RYR2: variants seen among roughly 807,000 people sequenced by gnomAD.
RYR2 encodes the protein cardiac muscle ryanodine receptor-calcium release channel.
Under a neutral mutation model 601.1 loss-of-function variants are expected in RYR2, and 227 were observed. The observed-to-expected ratio is 0.38, with a 90% CI of 0.34 to 0.42. The LOEUF (loss-of-function observed/expected upper bound fraction) is 0.42. Ranked by LOEUF, RYR2 falls within the 10% of genes least tolerant of loss-of-function variation. The probability of loss-of-function intolerance (pLI) is 1.00; values close to 1 mark genes in which losing one functional copy is unlikely to be tolerated. For synonymous variants in RYR2, 2,223 were observed against 2,175.1 expected, an observed-to-expected ratio of 1.02 and a Z score of -0.61; for missense variants, 4,646 against 6,156.5, an observed-to-expected ratio of 0.75 and a Z score of 8.21.
chr1:237,743,403 T>A (rs751787514), intron 80 of RYR2, among the ~76,000 whole-genome samples: 3 of 152,226 alleles, frequency 2.0e-5, no homozygotes, highest in Non-Finnish European at 4.4e-5. Flanking sequence ...CTGTATGATT[T>A]CTATAATCTT....
intron 1 of RYR2, among the ~76,000 whole-genome samples, chr1:237,139,428 T>TA (rs1673146470): frequency 6.6e-6 from 1 of 152,164 alleles, no homozygotes; most frequent in Non-Finnish European, 1.5e-5. Context: ...TTTGGGGGGA[T>TA]AAAAATGTCC....
intron 29 of RYR2, among the ~76,000 whole-genome samples, chr1:237,578,255 C>T (rs1217409868): frequency 1.3e-5 from 2 of 151,864 alleles, no homozygotes; most frequent in African/African-American, 4.8e-5. Context: ...GGTGTGATCT[C>T]AAGCACAAGT....
At chr1:237,228,613 T>C (rs536960453) in intron 1 of RYR2, among the ~76,000 whole-genome samples, 2 of 152,318 alleles carry the variant, frequency 1.3e-5, no homozygotes, top group African/African-American at 4.8e-5. Flanking sequence ...ATAAACAACA[T>C]AGCATGCTGA....
At chr1:237,081,100 A>C in intron 1 of RYR2, among the ~76,000 whole-genome samples, 1 of 81,088 alleles carries the variant, frequency 1.2e-5, no homozygotes, top group South Asian at 5.6e-4. Flanking sequence ...TGGACACAGG[A>C]AGGGGAATAT....
At chr1:237,174,248 G>A (rs1003115446) in intron 1 of RYR2, among the ~76,000 whole-genome samples, 4 of 152,160 alleles carry the variant, frequency 2.6e-5, no homozygotes, top group South Asian at 2.1e-4. Flanking sequence ...ATAATAAATC[G>A]GTGTGGCAGA....
At chr1:237,579,542 G>A (rs907090682) in intron 29 of RYR2, among the ~76,000 whole-genome samples, 1 of 151,928 alleles carries the variant, frequency 6.6e-6, no homozygotes, top group Non-Finnish European at 1.5e-5. Flanking sequence ...GGCGTGAGCT[G>A]CTGCACTGGG....
chr1:237,649,737 A>G (rs1289254435), intron 49 of RYR2, 140 bp from the exon 50 acceptor site: 2 of 661,796 alleles, frequency 3.0e-6, no homozygotes, highest in East Asian at 5.3e-5. Context: ...ACACTTAAAG[A>G]TGTAACTAAA....
At chr1:237,432,105 T>A (rs764604901) in intron 12 of RYR2, among the ~76,000 whole-genome samples, 7,305 of 148,708 alleles carry the variant, frequency 0.049, 266 homozygotes, top group Non-Finnish European at 0.08. Flanking sequence ...TGGTCTTTTT[T>A]TTTTATTCAT....
chr1:237,627,127 C>G (rs1679758188), intron 40 of RYR2, among the ~76,000 whole-genome samples: 1 of 152,134 alleles, frequency 6.6e-6, no homozygotes, highest in Non-Finnish European at 1.5e-5. Flanking sequence ...TTGGTCACCC[C>G]ACTTAATTTT....
At chr1:237,391,288 T>C (rs149065817) in intron 10 of RYR2, among the ~76,000 whole-genome samples, 28 of 152,264 alleles carry the variant, frequency 1.8e-4, no homozygotes, top group Middle Eastern at 3.4e-3. Context: ...AATGATCATC[T>C]AAAAATATAC....
intron 3 of RYR2, 50 bp downstream of exon 3, chr1:237,331,032 C>T (rs1221188031): frequency 1.4e-6 from 2 of 1,419,678 alleles, no homozygotes; most frequent in African/African-American, 1.4e-5. Context: ...AGCTCAGCTA[C>T]TATAGGAACA....
At chr1:237,097,541 A>T (rs1228614469) in intron 1 of RYR2, among the ~76,000 whole-genome samples, 1 of 152,214 alleles carries the variant, frequency 6.6e-6, no homozygotes, top group Admixed American at 6.5e-5. Flanking sequence ...ATTTAAACGT[A>T]ATACCTATTC....
At chr1:237,806,973 CTG>C (rs1408786099) in intron 99 of RYR2, among the ~76,000 whole-genome samples, 1 of 152,156 alleles carries the variant, frequency 6.6e-6, no homozygotes, top group Non-Finnish European at 1.5e-5. Flanking sequence ...GCGACATATT[CTG>C]TGTTAGTTAT....
chr1:237,540,084 A>G (rs537808158), intron 25 of RYR2, among the ~76,000 whole-genome samples: 13 of 152,188 alleles, frequency 8.5e-5, no homozygotes, highest in Non-Finnish European at 1.8e-4. Context: ...AGCACAACAC[A>G]TTATCATCTA....
At chr1:237,374,573 G>C (rs1700878347) in intron 6 of RYR2, 144 bp from the exon 7 acceptor site, 1 of 661,250 alleles carries the variant, frequency 1.5e-6, no homozygotes, top group Non-Finnish European at 2.8e-6. Flanking sequence ...TGGGATGACT[G>C]CTTGAGCCCA....
intron 1 of RYR2, among the ~76,000 whole-genome samples, chr1:237,139,300 T>C (rs1673131099): frequency 6.6e-6 from 1 of 152,218 alleles, no homozygotes; most frequent in Non-Finnish European, 1.5e-5. Context: ...TCTGTGGGAT[T>C]CCACTGATAT....
intron 2 of RYR2, among the ~76,000 whole-genome samples, chr1:237,308,269 A>G (rs1694097201): frequency 6.6e-6 from 1 of 152,216 alleles, no homozygotes; most frequent in African/African-American, 2.4e-5. Context: ...ATCACAAACC[A>G]TTGGAGCAGA....
At chr1:237,775,075 C>CAAA (rs5781992) in intron 87 of RYR2, among the ~76,000 whole-genome samples, 5,661 of 90,204 alleles carry the variant, frequency 0.063, 158 homozygotes, top group Non-Finnish European at 0.09. Context: ...CAATAAGAAC[C>CAAA]AAAAAAAAAA....
intron 8 of RYR2, among the ~76,000 whole-genome samples, chr1:237,381,734 G>A (rs764891622): frequency 2.8e-4 from 43 of 152,146 alleles, no homozygotes; most frequent in African/African-American, 5.3e-4. Context: ...TTGCTGCACC[G>A]TTGTCTGCTT....
Sources: allele counts gnomAD v4.1 joint callset (sites outside exome capture counted in the v4.1 genomes callset), GRCh38; gene constraint gnomAD v4.1.1; transcripts MANE v1.5; gene names NCBI Gene and HGNC (gene_info 2026-07-23, HGNC 2026-07-21).